PAH: variants seen among roughly 807,000 people sequenced by gnomAD.
PAH encodes phenylalanine hydroxylase, also known as phenylalanine-4-hydroxylase.
A neutral mutation model predicts 62.0 loss-of-function variants in PAH; 64 were observed. That is an observed-to-expected ratio of 1.03 (90% CI 0.84 to 1.27). The LOEUF is 1.27. Ranked by LOEUF, PAH falls within the 50% of genes most tolerant of loss-of-function variation. The probability of loss-of-function intolerance (pLI) is 0.00; values close to 1 mark genes in which losing one functional copy is unlikely to be tolerated. For missense variants in PAH, 579 were observed against 542.8 expected (o/e 1.07, Z -0.66); for synonymous variants, 195 against 196.2 (o/e 0.99, Z 0.05).
chr12:102,844,975 C>T (rs1874772032), intron 9 of PAH, among the ~76,000 whole-genome samples: 1 of 152,144 alleles, frequency 6.6e-6, no homozygotes, highest in Non-Finnish European at 1.5e-5. Context: ...CCTAATAAGT[C>T]CCCTCTCAGA....
chr12:102,856,300 C>T (rs566297983), intron 5 of PAH, among the ~76,000 whole-genome samples: 5 of 152,236 alleles, frequency 3.3e-5, no homozygotes, highest in African/African-American at 1.2e-4. Flanking sequence ...CTGATGCAAA[C>T]TATAGTTTAA....
chr12:102,889,083 C>T (rs1020576749), intron 3 of PAH, among the ~76,000 whole-genome samples: 3 of 152,184 alleles, frequency 2.0e-5, no homozygotes, highest in East Asian at 1.9e-4. Flanking sequence ...CAGCCCTAAG[C>T]GGCTTCTCTC....
In PAH at chr12:102,909,018, G is replaced by A. The variant is rs182161875; in HGVS notation, c.168+3773C>T. ...TTTTTTTGTGTTTTTAGTAAAGACC[G>A]GGTTTCACCATGTTGGCCAGGCTGG... On this transcript the variant is annotated intron_variant, in intron 2 of 12. Coordinates refer to ENST00000553106, the MANE Select transcript of PAH (RefSeq NM_000277.3). Among the ~76,000 whole-genome samples, 5 of 151,872 alleles carry A rather than the reference G, an allele frequency of 3.3e-5. No individual in the cohort carries two copies. The East Asian group carries it at 7.8e-4, about 24-fold the overall frequency.
intron 1 of PAH, among the ~76,000 whole-genome samples, chr12:102,956,166 A>G (rs934159857): frequency 2.6e-5 from 4 of 152,180 alleles, no homozygotes; most frequent in Admixed American, 1.3e-4. Flanking sequence ...CTGCACCCAG[A>G]TCTCGGATTA....
intron 8 of PAH, among the ~76,000 whole-genome samples, chr12:102,848,198 G>A (rs1436382940): frequency 1.1e-5 from 1 of 92,250 alleles, no homozygotes; most frequent in Non-Finnish European, 2.1e-5. Flanking sequence ...GGGGTTGAGG[G>A]TAGAGTAGGA....
chr12:102,907,924 C>T (rs1878044188), intron 2 of PAH, among the ~76,000 whole-genome samples: 1 of 152,002 alleles, frequency 6.6e-6, no homozygotes, highest in African/African-American at 2.4e-5. Flanking sequence ...AGCCTTAACT[C>T]AGCACTTTGA....
At chr12:102,895,869 A>AATAAATATATATATATATAT (rs1877483281) in intron 2 of PAH, among the ~76,000 whole-genome samples, 1 of 118,744 alleles carries the variant, frequency 8.4e-6, no homozygotes, top group African/African-American at 3.6e-5. Flanking sequence ...AAAAAAAAAA[A>AATAAATATATATATATATAT]ATATATATAT....
intron 10 of PAH, among the ~76,000 whole-genome samples, 190 bp from the exon 11 acceptor site, chr12:102,843,969 C>A (rs1643389877): frequency 6.6e-6 from 1 of 152,178 alleles, no homozygotes; most frequent in African/African-American, 2.4e-5. Context: ...CTAAAACCTA[C>A]AGCCAAGGGA....
intron 3 of PAH, among the ~76,000 whole-genome samples, chr12:102,879,285 AGG>A (rs1421239429): frequency 6.6e-6 from 1 of 151,950 alleles, no homozygotes; most frequent in African/African-American, 2.4e-5. Context: ...AAACAAGCAA[AGG>A]GCGCCGCTCA....
rs762331906 is a variant in PAH at position 102,877,438 on chromosome 12, T to G, written c.441+24A>C. 2.5e-6 allele frequency: 4 copies of G among 1,576,680 alleles called. No individual in the cohort carries two copies. In the East Asian group the frequency reaches 9.0e-5, roughly 35 times the overall value. The stretch of plus-strand genomic sequence containing the variant: ...GTGGAGGAGAGGCACTGAAAAAATC[T>G]CATCCTACGGGCCATGGACTCACAG... On this transcript the variant is annotated intron_variant, in intron 4 of 12. Transcript: ENST00000553106.
chr12:102,855,126 G>A lies in PAH; in HGVS notation c.706+10C>T. The A allele has an allele frequency of 6.2e-7, 1 of 1,610,730 alleles. No homozygotes were observed. On this transcript the variant is annotated intron_variant, in intron 6 of 12. Coordinates refer to ENST00000553106, the MANE Select transcript of PAH (RefSeq NM_000277.3). Reference sequence around the variant, plus strand: ...TTTCTGCAGGGCCATTGACCCTGATGTGGACTTACTCTGCAGGAACTGAGA... The same window carrying A: ...TTTCTGCAGGGCCATTGACCCTGATATGGACTTACTCTGCAGGAACTGAGA...
At chr12:102,889,621 C>G (rs1449332407) in intron 3 of PAH, among the ~76,000 whole-genome samples, 1 of 152,118 alleles carries the variant, frequency 6.6e-6, no homozygotes, top group East Asian at 1.9e-4. Flanking sequence ...GTTGTTCTGG[C>G]AATTTGAACT....
chr12:102,884,888 C>T lies in PAH; in HGVS notation c.353-7338G>A, dbSNP rs528027082. Among the ~76,000 whole-genome samples, 32 of 152,272 alleles carry T rather than the reference C, an allele frequency of 2.1e-4. No homozygotes were observed. The South Asian group carries it at 3.1e-3, about 15-fold the overall frequency. On this transcript the variant is annotated intron_variant, in intron 3 of 12. Transcript: ENST00000553106. ...TTTACTTTCATCATCTCCTTTAATT[C>T]GCAAAACAGTCCCAGGTGGTAGACA...
chr12:102,958,089 ATATAT>A, intron 1 of PAH: 1 of 499,714 alleles, frequency 2.0e-6, no homozygotes, highest in African/African-American at 2.0e-5. Flanking sequence ...GGGATTTTGT[ATATAT>A]TTTTTAACTT....
chr12:102,943,085 A>G (rs1879350123), intron 1 of PAH, among the ~76,000 whole-genome samples: 1 of 152,160 alleles, frequency 6.6e-6, no homozygotes, highest in Non-Finnish European at 1.5e-5. Context: ...GACTTAATTA[A>G]ACTAAAGAGC....
At chr12:102,898,690 A>T (rs1877611957) in intron 2 of PAH, among the ~76,000 whole-genome samples, 2 of 152,216 alleles carry the variant, frequency 1.3e-5, no homozygotes, top group Admixed American at 1.3e-4. Context: ...AAAAAAATAA[A>T]ATCAGAGATG....
At position 102,843,787 on chromosome 12, in the gene PAH, C is replaced by G. The variant is rs765490451; in HGVS notation, c.1066-8G>C. ...CTTCTCTGATAAGCAGTACTGTAGGCCCCAAGTGAAAAGTTATTATCACTG... is the reference window on the plus strand; with the variant it reads ...CTTCTCTGATAAGCAGTACTGTAGGGCCCAAGTGAAAAGTTATTATCACTG... On this transcript the variant is annotated splice_region_variant and splice_polypyrimidine_tract_variant and intron_variant, in intron 10 of 12. Transcript: ENST00000553106. 10 of 1,613,196 alleles carry G rather than the reference C, an allele frequency of 6.2e-6. No homozygotes were observed. The highest frequency in any genetic ancestry group is 1.3e-5 in the African/African-American group (1 of 74,852).
chr12:102,895,391 T>C (rs1261447414), intron 2 of PAH, among the ~76,000 whole-genome samples: 1 of 152,228 alleles, frequency 6.6e-6, no homozygotes, highest in Non-Finnish European at 1.5e-5. Flanking sequence ...TGAGACGATG[T>C]ACTTTCATGT....
At chr12:102,853,188 A>G in intron 6 of PAH, 1 of 549,922 alleles carries the variant, frequency 1.8e-6, no homozygotes, top group Non-Finnish European at 3.3e-6. Flanking sequence ...GATACTTCTT[A>G]GAAATGTTCC....
Sources: allele counts gnomAD v4.1 joint callset (sites outside exome capture counted in the v4.1 genomes callset), GRCh38; gene constraint gnomAD v4.1.1; transcripts MANE v1.5; gene names NCBI Gene and HGNC (gene_info 2026-07-23, HGNC 2026-07-21).